The following SLC1A1 variants were observed in gnomAD, a reference collection of about 807,000 sequenced individuals.
SLC1A1 encodes solute carrier family 1 member 1, also known as excitatory amino acid transporter 3.
A neutral mutation model predicts 53.3 loss-of-function variants in SLC1A1; 43 were observed. The observed-to-expected ratio is 0.81, with a 90% CI of 0.63 to 1.04. The LOEUF (loss-of-function observed/expected upper bound fraction) is 1.04, where lower values mean the gene tolerates loss of function less well. Ranked by LOEUF, SLC1A1 falls within the 50% of genes least tolerant of loss-of-function variation. SLC1A1 has a pLI of 0.00. For missense variants in SLC1A1, 748 were observed against 664.9 expected (o/e 1.12, Z -1.37); for synonymous variants, 307 against 243.2 (o/e 1.26, Z -2.44).
At chr9:4,537,603 A>AAAAT (rs1564015980) in intron 1 of SLC1A1, among the ~76,000 whole-genome samples, 1,845 of 40,576 alleles carry the variant, frequency 0.045, 474 homozygotes, top group East Asian at 0.1. Flanking sequence ...TAAAATAAAA[A>AAAAT]AAAAAAAAAT....
At chr9:4,550,103 T>C (rs1421855841) in intron 2 of SLC1A1, among the ~76,000 whole-genome samples, 1 of 152,212 alleles carries the variant, frequency 6.6e-6, no homozygotes, top group Non-Finnish European at 1.5e-5. Flanking sequence ...GTCCTAGTAC[T>C]GATTCTGCTT....
rs543418345 is a variant in SLC1A1, at chr9:4,556,401, C to T, written c.233-5048C>T. 2.6e-5 allele frequency among the ~76,000 whole-genome samples: 4 copies of T among 152,266 alleles called. No homozygotes were observed. Among genetic ancestry groups the T allele is most frequent in the African/African-American group, 9.6e-5 (4 of 41,532 alleles). ...CATTTTAAATACTCACTGTTGATTT[C>T]TGTGCAGATGCCATCACACCTGCTT... On this transcript the variant is annotated intron_variant, in intron 2 of 11. Transcript: ENST00000262352. The surrounding 1 kb of genome is among the most constrained non-coding windows in gnomAD (Gnocchi z 4.1).
intron 1 of SLC1A1, among the ~76,000 whole-genome samples, chr9:4,521,221 A>G (rs1001707750): frequency 2.0e-5 from 3 of 152,224 alleles, no homozygotes; most frequent in Admixed American, 6.5e-5. Flanking sequence ...TTGCAAAGCA[A>G]CATTTTTCAA....
At chr9:4,579,170 G>A (rs1820834016) in intron 10 of SLC1A1, among the ~76,000 whole-genome samples, 1 of 152,228 alleles carries the variant, frequency 6.6e-6, no homozygotes, top group Non-Finnish European at 1.5e-5. Flanking sequence ...AAAAGTGTTA[G>A]CGGCTAAAGA....
At chr9:4,535,112 G>A (rs368858948) in intron 1 of SLC1A1, among the ~76,000 whole-genome samples, 1 of 152,108 alleles carries the variant, frequency 6.6e-6, no homozygotes, top group Non-Finnish European at 1.5e-5. Context: ...TACTGAATGG[G>A]CAAAAATTGG....
At chr9:4,555,835 A>C (rs895001071) in intron 2 of SLC1A1, among the ~76,000 whole-genome samples, 10 of 152,254 alleles carry the variant, frequency 6.6e-5, no homozygotes, top group African/African-American at 2.4e-4. Context: ...TCTCCGCACC[A>C]GGGCTTCACA....
chr9:4,548,977 A>G (rs531354650), intron 2 of SLC1A1, among the ~76,000 whole-genome samples: 60 of 152,332 alleles, frequency 3.9e-4, no homozygotes, highest in African/African-American at 1.4e-3. Flanking sequence ...AAAGCACCAG[A>G]GAAATAACAG....
intron 2 of SLC1A1, among the ~76,000 whole-genome samples, chr9:4,546,050 C>A (rs983740526): frequency 2.0e-5 from 3 of 147,278 alleles, no homozygotes; most frequent in Admixed American, 6.7e-5. Flanking sequence ...GAGTACTGGA[C>A]GTTGGTGGGG....
chr9:4,557,397 G>A (rs969765953), intron 2 of SLC1A1, among the ~76,000 whole-genome samples: 12 of 152,234 alleles, frequency 7.9e-5, no homozygotes, highest in Admixed American at 6.5e-5. Context: ...CGACATTGTC[G>A]AGCACCCACT....
intron 2 of SLC1A1, among the ~76,000 whole-genome samples, chr9:4,546,132 CT>C (rs1050664415): frequency 1.3e-5 from 2 of 152,172 alleles, no homozygotes; most frequent in Non-Finnish European, 2.9e-5. Flanking sequence ...CACATTTGGC[CT>C]TTGAATTTCC....
At chr9:4,558,395 A>C (rs1818625972) in intron 2 of SLC1A1, among the ~76,000 whole-genome samples, 1 of 152,268 alleles carries the variant, frequency 6.6e-6, no homozygotes, top group East Asian at 1.9e-4. Flanking sequence ...GATTTGTGTA[A>C]ATATCTGATA....
rs1034717182 is a variant in SLC1A1, at chr9:4,549,126, C to T, written c.232+4419C>T. Among the ~76,000 whole-genome samples the T allele has an allele frequency of 4.6e-5, 7 of 152,218 alleles. No individual in the cohort carries two copies. Among genetic ancestry groups the T allele is most frequent in the African/African-American group, 1.7e-4 (7 of 41,442 alleles). On this transcript the variant is annotated intron_variant, in intron 2 of 11. Coordinates refer to ENST00000262352, the MANE Select transcript of SLC1A1 (RefSeq NM_004170.6). This position sits in a 1 kb window ranked among gnomAD's most constrained non-coding sequence, Gnocchi z 4.1. ...TGATTGGAGCCTCCTATGACCAACACAGGGACAGAACAGCACCTCCAGTCC... is the reference window on the plus strand; with the variant it reads ...TGATTGGAGCCTCCTATGACCAACATAGGGACAGAACAGCACCTCCAGTCC...
At chr9:4,565,960 T>C in intron 4 of SLC1A1, 87 bp from the exon 5 acceptor site, 1 of 1,006,474 alleles carries the variant, frequency 9.9e-7, no homozygotes, top group South Asian at 1.3e-5. Context: ...ACTAGTTTTA[T>C]GTTATACTAA....
intron 1 of SLC1A1, among the ~76,000 whole-genome samples, chr9:4,512,613 T>C (rs1564000530): frequency 6.6e-6 from 1 of 152,198 alleles, no homozygotes; most frequent in Non-Finnish European, 1.5e-5. Flanking sequence ...TCCTATCTTA[T>C]TTCAATATGG....
intron 1 of SLC1A1, among the ~76,000 whole-genome samples, chr9:4,524,141 G>A (rs1253503066): frequency 6.6e-6 from 1 of 152,130 alleles, no homozygotes; most frequent in African/African-American, 2.4e-5. Flanking sequence ...GTGCATACAT[G>A]GGAATACTTG....
At chr9:4,579,348 C>T (rs187916553) in intron 10 of SLC1A1, among the ~76,000 whole-genome samples, 1 of 152,226 alleles carries the variant, frequency 6.6e-6, no homozygotes, top group South Asian at 2.1e-4. Context: ...ACTTCCCTCA[C>T]CCTGGGCTGT....
chr9:4,490,685 G>A lies in SLC1A1; in HGVS notation c.6G>A (p.Gly2=), dbSNP rs1400342521. Residue 2 remains glycine (G), a synonymous_variant, in exon 1 of 12, where the codon GGG becomes GGA. Transcript: ENST00000262352. M[G]KPARKGCEWK... ...GCACAATAGCGGCGACAGCCATGGG[G>A]AAACCGGCGAGGAAAGGATGCGAGT... 6.8e-6 allele frequency: 11 copies of A among 1,612,614 alleles called. No individual in the cohort carries two copies. The highest frequency in any genetic ancestry group is 1.1e-5 in the South Asian group (1 of 91,042).
chr9:4,512,652 G>C (rs556386842), intron 1 of SLC1A1, among the ~76,000 whole-genome samples: 2 of 152,306 alleles, frequency 1.3e-5, no homozygotes, highest in Admixed American at 1.3e-4. Context: ...TAATATTGGT[G>C]AAAAGGTAGA....
chr9:4,564,481 G>A, intron 4 of SLC1A1, 23 bp downstream of exon 4: 1 of 1,437,550 alleles, frequency 7.0e-7, no homozygotes, highest in Non-Finnish European at 9.8e-7. Flanking sequence ...CCACAAGGTG[G>A]CTTCAAGGGC....
Sources: gnomAD v4.1 joint callset for allele counts (sites outside exome capture counted in the v4.1 genomes callset) on GRCh38, gnomAD v4.1.1 for gene constraint, Gnocchi (gnomAD v3.1) non-coding constraint, MANE v1.5 for transcripts, NCBI Gene and HGNC (gene_info 2026-07-23, HGNC 2026-07-21) for gene names.